Variants in CPOX observed in about 807,000 individuals in gnomAD.
CPOX encodes the protein oxygen-dependent coproporphyrinogen-III oxidase, mitochondrial.
Under a neutral mutation model 48.9 loss-of-function variants are expected in CPOX, and 24 were observed. The observed-to-expected ratio is 0.49, with a 90% CI of 0.36 to 0.69. The LOEUF (loss-of-function observed/expected upper bound fraction) is 0.69. Among genes scored for constraint, CPOX ranks in the 30% least tolerant of loss-of-function variants. CPOX has a pLI of 0.00. For synonymous variants in CPOX, 249 were observed against 234.6 expected (o/e 1.06, Z -0.56); for missense variants, 549 against 597.3 (o/e 0.92, Z 0.84).
chr3:98,576,274 C>T (rs112037896), downstream of CPOX, among the ~76,000 whole-genome samples: 5 of 152,058 alleles, frequency 3.3e-5, no homozygotes, highest in African/African-American at 1.2e-4. Flanking sequence ...AAGCAAGGCA[C>T]CTTCTTCACA....
the CPOX span, among the ~76,000 whole-genome samples, chr3:98,571,084 C>A: frequency 6.6e-6 from 1 of 152,092 alleles, no homozygotes; most frequent in Non-Finnish European, 1.5e-5. Flanking sequence ...TATTAATATA[C>A]CAGAATTTAT....
rs138479596 is a variant in CPOX at position 98,591,061 on chromosome 3, T to C, written c.651A>G (p.Glu217=). 2.4e-4 allele frequency: 387 copies of C among 1,614,078 alleles called. 1 individual carries two copies. The highest frequency in any genetic ancestry group is 1.6e-4 in the Middle Eastern group (1 of 6,084). The part of the protein sequence containing the change: ...ISVVHGNLSE[E]AAKQMRSRGK... ...CTCTGCTTCTCATTTGTTTTGCAGC[T>C]TCCTCTGAAAGATTTCCATGAACAA... The change falls in exon 2 of 7, where the codon GAA becomes GAG. Residue 217 remains glutamate (E), a synonymous_variant. Transcript: ENST00000647941.
chr3:98,581,305 C>G (rs1212788875), intron 6 of CPOX, 102 bp downstream of exon 6: 2 of 877,714 alleles, frequency 2.3e-6, no homozygotes, highest in African/African-American at 3.3e-5. Context: ...TCAAAACTAA[C>G]AAAGACCTAG....
At chr3:98,585,356 T>C in intron 5 of CPOX, 85 bp downstream of exon 5, 1 of 1,026,170 alleles carries the variant, frequency 9.7e-7, no homozygotes, top group Non-Finnish European at 1.5e-6. Flanking sequence ...TTACAAAGTA[T>C]CTGACAACAC....
chr3:98,593,071 G>C lies in CPOX; in HGVS notation c.434C>G (p.Pro145Arg), dbSNP rs998009502. 6.2e-7 allele frequency: 1 copy of C among 1,613,724 alleles called. No individual in the cohort carries two copies. The highest frequency in any genetic ancestry group is 1.3e-5 in the African/African-American group (1 of 74,900). The part of the protein sequence containing the change: ...VTDLGELRRR[P>R]GDMKTKMELL... ...CTCCATCTTGGTCTTCATGTCGCCC[G>C]GCCTCCTTCGCAGCTCGCCCAGGTC... Residue 145 changes from proline (P) to arginine (R), a missense_variant, in exon 1 of 7, where the codon CCG (proline) becomes CGG (arginine). This residue lies in a region of CPOX where 336 missense variants were observed against 318.1 expected (regional missense o/e 1.06). Transcript: ENST00000647941.
intron 4 of CPOX, among the ~76,000 whole-genome samples, chr3:98,588,204 AATATTCTGG>A (rs1402615633): frequency 2.0e-5 from 3 of 149,220 alleles, no homozygotes; most frequent in Non-Finnish European, 4.4e-5. Flanking sequence ...GATGATAACA[AATATTCTGG>A]GTCTTCTCCC....
At position 98,588,785 on chromosome 3, in the gene CPOX, A is replaced by G. The variant is rs1707415522; in HGVS notation, c.881T>C (p.Val294Ala). ...TPTYLNQEDA[V>A]HFHRTLKEAC... is the part of the protein sequence containing the mutation. ...CTCCTTCAGAGTTCTGTGAAAATGG[A>G]CAGCGTCTTCTTGATTCAAGTATGT... Residue 294 changes from valine to alanine, a missense_variant, in exon 4 of 7, where the codon GTC (valine) becomes GCC (alanine). Physicochemically the swap from Val to Ala is moderately conservative, Grantham distance 64. Around this residue, in one of 2 missense-constraint regions of CPOX, gnomAD observed 213 missense variants for 279.1 expected, o/e 0.76. Coordinates refer to ENST00000647941, the MANE Select transcript of CPOX (RefSeq NM_000097.7). The G allele has an allele frequency of 6.2e-7, 1 of 1,614,198 alleles. No homozygotes were observed. Among genetic ancestry groups the G allele is most frequent in the East Asian group, 2.2e-5 (1 of 44,886 alleles).
chr3:98,588,975 A>T lies in CPOX; in HGVS notation c.812-121T>A, dbSNP rs189121366. On this transcript the variant is annotated intron_variant, in intron 3 of 6. Coordinates refer to ENST00000647941, the MANE Select transcript of CPOX (RefSeq NM_000097.7). ...GCATAAAATGGATGACAATAAAAAA[A>T]ATTTTAACTGATTTTAGCTCTGAAG... is the stretch of plus-strand genomic sequence containing the variant. 1.2e-5 allele frequency: 14 copies of T among 1,184,636 alleles called. No individual in the cohort carries two copies. In the East Asian group the frequency reaches 2.8e-4, roughly 23 times the overall value. The allele number at this position is 1,184,636 out of a possible 1,614,324, so 73.4% of individuals were successfully genotyped here.
In CPOX at chr3:98,591,080, T is replaced by G; in HGVS notation, c.632A>C (p.His211Pro). The G allele has an allele frequency of 1.2e-6, 2 of 1,614,172 alleles. No homozygotes were observed. Among genetic ancestry groups the G allele is most frequent in the East Asian group, 2.2e-5 (1 of 44,884 alleles). The change falls in exon 2 of 7, where the codon CAT becomes CCT. Residue 211 changes from histidine to proline, a missense_variant. Physicochemically the swap from His to Pro is moderately conservative, Grantham distance 77. Coordinates refer to ENST00000647941, the MANE Select transcript of CPOX (RefSeq NM_000097.7). ...TGCAGCTTCCTCTGAAAGATTTCCA[T>G]GAACAACAGAAATGCTCACCCCAGC... ...EKAGVSISVVHGNLSEEAAKQ... is the reference protein window; with the variant it reads ...EKAGVSISVVPGNLSEEAAKQ...
the CPOX span, among the ~76,000 whole-genome samples, chr3:98,571,872 T>C: frequency 6.6e-6 from 1 of 152,082 alleles, no homozygotes; most frequent in African/African-American, 2.4e-5. Context: ...TTGGAGTTTT[T>C]AGTTTTTTAT....
chr3:98,590,508 A>C (rs530376096), intron 3 of CPOX, 124 bp downstream of exon 3: 2 of 756,554 alleles, frequency 2.6e-6, no homozygotes, highest in East Asian at 2.7e-5. Flanking sequence ...AATTGCCTTT[A>C]CATTGCCTCC....
rs1035403950 is a variant in CPOX at position 98,593,284 on chromosome 3, A to C, written c.221T>G (p.Val74Gly). The part of the protein sequence containing the change: ...HGSTSRGGPW[V>G]GTGLAAALAG... ...CAGCGCCGCGGCCAGCCCTGTCCCC[A>C]CCCAGGGGCCGCCTCTCGACGTCGA... The change falls in exon 1 of 7, where the codon GTG becomes GGG. Residue 74 changes from valine (V) to glycine (G), a missense_variant. Coordinates refer to ENST00000647941, the MANE Select transcript of CPOX (RefSeq NM_000097.7). 8 of 1,445,922 alleles carry C rather than the reference A, an allele frequency of 5.5e-6. No individual in the cohort carries two copies. The highest frequency in any genetic ancestry group is 2.0e-4 in the Middle Eastern group (1 of 4,920). 89.6% of individuals were successfully genotyped at this position (1,445,922 alleles called of 1,614,324 possible). A position where few individuals can be genotyped will look rare whatever the true frequency, so the allele number is the denominator to read the frequency against.
rs1424913115 is a variant in CPOX at position 98,593,250 on chromosome 3, C to A, written c.255G>T (p.Leu85Phe). Residue 85 changes from leucine (L) to phenylalanine (F), a missense_variant, in exon 1 of 7, where the codon TTG (leucine) becomes TTT (phenylalanine). Around this residue, in one of 2 missense-constraint regions of CPOX, gnomAD observed 336 missense variants for 318.1 expected, o/e 1.06. Transcript: ENST00000647941. ...CGAAGGCGGCGGTGGCCAGCCCCAC[C>A]AACCCCGCCAGCGCCGCGGCCAGCC... ...GTGLAAALAG[L>F]VGLATAAFGH... is the part of the protein sequence containing the mutation. 3 of 1,523,934 alleles carry A rather than the reference C, an allele frequency of 2.0e-6. No homozygotes were observed. Among genetic ancestry groups the A allele is most frequent in the East Asian group, 2.3e-5 (1 of 42,910 alleles). 94.4% of individuals were successfully genotyped at this position (1,523,934 alleles called of 1,614,324 possible).
At chr3:98,577,468 C>A (rs1707179504), downstream of CPOX, among the ~76,000 whole-genome samples, 1 of 152,180 alleles carries the variant, frequency 6.6e-6, no homozygotes, top group African/African-American at 2.4e-5. Context: ...AGGAAGGAAA[C>A]CAGGAGCCAT....
chr3:98,573,375 T>G, the CPOX span, among the ~76,000 whole-genome samples: 1 of 152,230 alleles, frequency 6.6e-6, no homozygotes, highest in Non-Finnish European at 1.5e-5. Flanking sequence ...ATAACTCCTT[T>G]AGATAATCTG....
intron 4 of CPOX, among the ~76,000 whole-genome samples, chr3:98,586,732 C>T (rs914642784): frequency 7.9e-5 from 12 of 152,076 alleles, no homozygotes; most frequent in Non-Finnish European, 1.3e-4. Flanking sequence ...ATCACGAGGT[C>T]AGGAGATCGA....
chr3:98,577,685 A>G (rs116718102), downstream of CPOX, among the ~76,000 whole-genome samples: 12 of 152,290 alleles, frequency 7.9e-5, no homozygotes, highest in Admixed American at 4.6e-4. Flanking sequence ...ACATAACCTC[A>G]GTGGTTAGAA....
chr3:98,583,467 T>C (rs1477391710), intron 5 of CPOX, among the ~76,000 whole-genome samples: 5 of 152,200 alleles, frequency 3.3e-5, no homozygotes. Context: ...ATCTGTCCTC[T>C]CTGGGGTGCC....
chr3:98,591,783 T>C (rs116641970), intron 1 of CPOX, among the ~76,000 whole-genome samples: 1 of 152,272 alleles, frequency 6.6e-6, no homozygotes, highest in African/African-American at 2.4e-5. Context: ...TAAGAACATT[T>C]AGAGCTGGAT....
Sources: gnomAD v4.1 joint callset for allele counts (sites outside exome capture counted in the v4.1 genomes callset) on GRCh38, gnomAD v4.1.1 for gene constraint, gnomAD v4.1.1 regional missense constraint, MANE v1.5 for transcripts, NCBI Gene and HGNC (gene_info 2026-07-23, HGNC 2026-07-21) for gene names.